NT5M: variants seen among roughly 807,000 people sequenced by gnomAD.
NT5M encodes the protein 5'(3')-deoxyribonucleotidase, mitochondrial.
In NT5M, 22 loss-of-function variants were observed where a neutral mutation model predicts 22.2. The observed-to-expected ratio is 0.99, with a 90% confidence interval of 0.71 to 1.41. The LOEUF is 1.41. NT5M is among the 40% of genes most tolerant of loss of function. NT5M has a pLI of 0.00. For missense variants in NT5M, 322 were observed against 314.8 expected, an observed-to-expected ratio of 1.02 and a Z score of -0.17; for synonymous variants, 167 against 133.0, an observed-to-expected ratio of 1.26 and a Z score of -1.76.
At chr17:17,309,750 A>G (rs557382120) in intron 2 of NT5M, among the ~76,000 whole-genome samples, 49 of 147,072 alleles carry the variant, frequency 3.3e-4, no homozygotes, top group Non-Finnish European at 5.8e-4. Context: ...TGGCTTCTTC[A>G]TATGACACAA....
chr17:17,318,269 G>T (rs1316936550), intron 2 of NT5M, among the ~76,000 whole-genome samples: 1 of 151,900 alleles, frequency 6.6e-6, no homozygotes, highest in African/African-American at 2.4e-5. Context: ...CTGAGCTCAG[G>T]AGTTTGAAAC....
chr17:17,321,269 G>A (rs1225470278), intron 2 of NT5M, among the ~76,000 whole-genome samples: 2 of 151,936 alleles, frequency 1.3e-5, no homozygotes, highest in East Asian at 3.9e-4. Flanking sequence ...GAGGAGGATA[G>A]CAAGTGGGCA....
At chr17:17,305,608 G>A (rs948792164) in intron 1 of NT5M, among the ~76,000 whole-genome samples, 4 of 152,070 alleles carry the variant, frequency 2.6e-5, no homozygotes, top group South Asian at 2.1e-4. Flanking sequence ...TCCTCCGGCC[G>A]TCCATGTGAC....
Position 17,303,629 on chromosome 17 carries a change from G to A in NT5M, c.79G>A (p.Gly27Arg), listed in dbSNP as rs780151573. ...CGCGGGGCGGCGCGGGGCGGCGGGC[G>A]GGCTGGGCCTGGCGGGAGGCCGCGC... is the stretch of plus-strand genomic sequence containing the variant. ...VPAGRRGAAG[G>R]LGLAGGRALR... Residue 27 changes from glycine (G) to arginine (R), a missense_variant, in exon 1 of 5, where the codon GGG becomes AGG. Gly to Arg is a moderately radical substitution (Grantham distance 125, BLOSUM62 -2). Coordinates refer to ENST00000389022, the MANE Select transcript of NT5M (RefSeq NM_020201.4). 3 of 1,342,748 alleles carry A rather than the reference G, an allele frequency of 2.2e-6. No homozygotes were observed. In the South Asian group the frequency reaches 6.7e-5, roughly 30 times the overall value. 83.2% of individuals were successfully genotyped at this position (1,342,748 alleles called of 1,614,324 possible). A position where few individuals can be genotyped will look rare whatever the true frequency, so the allele number is the denominator to read the frequency against.
In NT5M at chr17:17,324,397, T is replaced by C. The variant is rs907226740; in HGVS notation, c.429+1152T>C. On this transcript the variant is annotated intron_variant, in intron 3 of 4. Transcript: ENST00000389022. ...TACTTGGGAGGCTGAGGCATGAGAA[T>C]TGCTTGAACCTGGGAGGTGGAGGTT... is the stretch of plus-strand genomic sequence containing the variant. 1.1e-4 allele frequency among the ~76,000 whole-genome samples: 17 copies of C among 151,576 alleles called. No individual in the cohort carries two copies. The South Asian group carries it at 3.1e-3, about 28-fold the overall frequency.
intron 3 of NT5M, among the ~76,000 whole-genome samples, chr17:17,329,700 G>A (rs2049336528): frequency 6.6e-6 from 1 of 152,172 alleles, no homozygotes; most frequent in Non-Finnish European, 1.5e-5. Context: ...TTCAGGCCGG[G>A]TACAGTGGCT....
intron 1 of NT5M, chr17:17,304,339 C>T: frequency 1.1e-6 from 1 of 930,132 alleles, no homozygotes; most frequent in Non-Finnish European, 1.3e-6. Context: ...AGGTGGGATC[C>T]ACCTCATGTC....
rs566514190 is a variant in NT5M at position 17,320,629 on chromosome 17, G to A, written c.369-2556G>A. ...AAATCCTGTGTGAGGTGTGTGAGGC[G>A]TCCAGGTGGGTGGAAACTTGGTGCT... On this transcript the variant is annotated intron_variant, in intron 2 of 4. Transcript: ENST00000389022. Among the ~76,000 whole-genome samples, 73 of 152,234 alleles carry A rather than the reference G, an allele frequency of 4.8e-4. 1 individual carries two copies. In the South Asian group the frequency reaches 5.0e-3, roughly 10 times the overall value.
intron 3 of NT5M, among the ~76,000 whole-genome samples, chr17:17,323,890 G>T (rs2145376949): frequency 6.6e-6 from 1 of 151,992 alleles, no homozygotes; most frequent in East Asian, 2.0e-4. Flanking sequence ...CATTTTTTTT[G>T]AGACAGAGTT....
chr17:17,325,708 A>C (rs1597778914), intron 3 of NT5M, among the ~76,000 whole-genome samples: 1 of 152,140 alleles, frequency 6.6e-6, no homozygotes, highest in Admixed American at 6.5e-5. Context: ...CATGACCTGC[A>C]GGGCCTGCCT....
In NT5M at chr17:17,328,487, C is replaced by CT. The variant is rs529038814; in HGVS notation, c.429+5243dup. ...AACCCTATGGACTGGTACTTCTTCC[C>CT]TGGCTGAGGGCGGGCTGGTATTAAT... On this transcript the variant is annotated intron_variant, in intron 3 of 4. Transcript: ENST00000389022. Among the ~76,000 whole-genome samples, 62 of 152,268 alleles carry CT rather than the reference C, an allele frequency of 4.1e-4. 1 individual carries two copies. The South Asian group carries it at 0.011, about 27-fold the overall frequency.
At chr17:17,304,268 T>G in intron 1 of NT5M, 1 of 324,168 alleles carries the variant, frequency 3.1e-6, no homozygotes, top group Non-Finnish European at 4.4e-6. Flanking sequence ...CAGGGGTATT[T>G]GAGGCCCAGA....
chr17:17,319,023 C>G (rs1427123092), intron 2 of NT5M, among the ~76,000 whole-genome samples: 1 of 151,800 alleles, frequency 6.6e-6, no homozygotes, highest in Non-Finnish European at 1.5e-5. Context: ...CCAGCCTGGG[C>G]AACATGGTGA....
intron 1 of NT5M, 55 bp downstream of exon 1, chr17:17,303,872 A>C: frequency 7.5e-7 from 1 of 1,325,354 alleles, no homozygotes; most frequent in South Asian, 1.9e-5. Flanking sequence ...CGAGCCCCAG[A>C]CACCGCCCCT....
chr17:17,306,526 T>C lies in NT5M; in HGVS notation c.268-17T>C. 2 of 1,601,178 alleles carry C rather than the reference T, an allele frequency of 1.2e-6. No homozygotes were observed. Among genetic ancestry groups the C allele is most frequent in the South Asian group, 1.1e-5 (1 of 90,822 alleles). On this transcript the variant is annotated splice_polypyrimidine_tract_variant and intron_variant, in intron 1 of 4. Coordinates refer to ENST00000389022, the MANE Select transcript of NT5M (RefSeq NM_020201.4). ...GCTGAGGACCCTGGAAGTAACTTGCTTTTCTCAACTTCTCAGGAGAAGGCC... is the reference window on the plus strand; with the variant it reads ...GCTGAGGACCCTGGAAGTAACTTGCCTTTCTCAACTTCTCAGGAGAAGGCC...
rs145523967 is a variant in NT5M at position 17,325,326 on chromosome 17, A to G, written c.429+2081A>G. On this transcript the variant is annotated intron_variant, in intron 3 of 4. Transcript: ENST00000389022. ...CCCGGGACTGCCCTCTGAGCTCCAG[A>G]CACTCAGACCCGATGTATCTGTCCC... is the stretch of plus-strand genomic sequence containing the variant. Among the ~76,000 whole-genome samples the G allele has an allele frequency of 5.5e-3, 831 of 152,098 alleles. 7 individuals carry two copies. Among genetic ancestry groups the G allele is most frequent in the African/African-American group, 0.018 (762 of 41,498 alleles).
chr17:17,303,727 G>T lies in NT5M; in HGVS notation c.177G>T (p.Ala59=). The T allele has an allele frequency of 6.3e-7, 1 of 1,591,242 alleles. No individual in the cohort carries two copies. The highest frequency in any genetic ancestry group is 8.5e-7 in the Non-Finnish European group (1 of 1,171,096). Residue 59 remains alanine, a synonymous_variant, in exon 1 of 5, where the codon GCG becomes GCT. Coordinates refer to ENST00000389022, the MANE Select transcript of NT5M (RefSeq NM_020201.4). ...GCGGATTCCTCAGGAAGTTCCGCGC[G>T]CGCTTTCCCGACCAGCCCTTCATCG... ...FEGGFLRKFR[A]RFPDQPFIAL...
intron 3 of NT5M, among the ~76,000 whole-genome samples, chr17:17,343,205 A>G (rs1369409423): frequency 6.6e-6 from 1 of 152,086 alleles, no homozygotes; most frequent in Non-Finnish European, 1.5e-5. Flanking sequence ...CTTTAGAAGG[A>G]TAGGTGCTCA....
chr17:17,323,040 A>G (rs1597773501), intron 2 of NT5M, 145 bp from the exon 3 acceptor site: 3 of 746,498 alleles, frequency 4.0e-6, no homozygotes, highest in Admixed American at 1.8e-5. Flanking sequence ...TGGTGTGGAT[A>G]TAGTACAGGG....
Sources: gnomAD v4.1 joint callset for allele counts (sites outside exome capture counted in the v4.1 genomes callset) on GRCh38, gnomAD v4.1.1 for gene constraint, MANE v1.5 for transcripts, NCBI Gene and HGNC (gene_info 2026-07-23, HGNC 2026-07-21) for gene names.